The following SP110 variants were observed in gnomAD, a reference collection of about 807,000 sequenced individuals.
The protein encoded by SP110 is SP110 nuclear body protein, also known as interferon-induced protein 41, 30kD.
A neutral mutation model predicts 92.7 loss-of-function variants in SP110; 62 were observed. The ratio of observed to expected loss-of-function variants is 0.67; its 90% CI spans 0.55 to 0.83. SP110 has a LOEUF of 0.83. SP110 is among the 40% of genes least tolerant of loss of function. The pLI is 0.00. For missense variants in SP110, 793 were observed against 863.9 expected (o/e 0.92, Z 1.03); for synonymous variants, 273 against 305.3 (o/e 0.89, Z 1.10).
At chr2:230,169,932 G>C (rs971899573) in intron 18 of SP110, among the ~76,000 whole-genome samples, 1 of 152,128 alleles carries the variant, frequency 6.6e-6, no homozygotes, top group Non-Finnish European at 1.5e-5. Context: ...TCCATGAATG[G>C]GTACCAGTTT....
chr2:230,175,724 G>A (rs1249016446), intron 14 of SP110, among the ~76,000 whole-genome samples: 1 of 152,134 alleles, frequency 6.6e-6, no homozygotes, highest in African/African-American at 2.4e-5. Flanking sequence ...TGAGGAGGGG[G>A]AGTTAGTGCA....
intron 1 of SP110, among the ~76,000 whole-genome samples, chr2:230,219,030 G>T (rs1480059311): frequency 6.6e-6 from 1 of 152,154 alleles, no homozygotes; most frequent in Admixed American, 6.5e-5. Context: ...TTCGAGACCA[G>T]CCTGGCCAAC....
chr2:230,171,822 C>T (rs1574588969), intron 16 of SP110, 55 bp from the exon 17 acceptor site: 2 of 1,367,378 alleles, frequency 1.5e-6, no homozygotes, highest in East Asian at 4.6e-5. Flanking sequence ...ACAGTGAAGC[C>T]AGGCGAGTGT....
intron 4 of SP110, 59 bp downstream of exon 4, chr2:230,212,702 C>T (rs1245219917): frequency 6.2e-7 from 1 of 1,603,360 alleles, no homozygotes; most frequent in Non-Finnish European, 8.5e-7. Context: ...TTGGCGGCAA[C>T]ATGGCACAGG....
intron 10 of SP110, among the ~76,000 whole-genome samples, chr2:230,193,828 T>C (rs2042744933): frequency 1.3e-5 from 2 of 152,214 alleles, no homozygotes; most frequent in Non-Finnish European, 2.9e-5. Flanking sequence ...CACTGCTCAG[T>C]TGGGGCCATT....
intron 14 of SP110, chr2:230,174,056 A>T (rs1375631016): frequency 6.6e-6 from 1 of 152,128 alleles, no homozygotes; most frequent in Admixed American, 6.5e-5. Context: ...CATTTGACAC[A>T]CTCAGGACAT....
At chr2:230,174,625 C>T (rs2114585) in intron 14 of SP110, among the ~76,000 whole-genome samples, 17,026 of 152,308 alleles carry the variant, frequency 0.11, 1,026 homozygotes, top group Middle Eastern at 0.14. Flanking sequence ...CTGGCTGCAT[C>T]CAAGCCCTTC....
chr2:230,216,667 C>G (rs973565920), intron 2 of SP110, 114 bp downstream of exon 2: 66 of 1,270,886 alleles, frequency 5.2e-5, no homozygotes, highest in Non-Finnish European at 6.9e-5. Flanking sequence ...AATGAACATG[C>G]CTGGGCTGGG....
At position 230,168,534 on chromosome 2, in the gene SP110, AT is replaced by A. The variant is rs2078349245; in HGVS notation, c.*589del. ...CCTGCTGCCAACCTTAACATAAAAAATAATACTAAATTCCCCTGTGAAGCCT... is the reference window on the plus strand; with the variant it reads ...CCTGCTGCCAACCTTAACATAAAAAAAATACTAAATTCCCCTGTGAAGCCT... On this transcript the variant is annotated 3_prime_UTR_variant, in exon 19 of 19. Transcript: ENST00000258381. 6.6e-6 allele frequency: 1 copy of A among 152,584 alleles called. No homozygotes were observed. Among genetic ancestry groups the A allele is most frequent in the African/African-American group, 2.4e-5 (1 of 41,462 alleles). 9.5% of individuals were successfully genotyped at this position (152,584 alleles called of 1,614,324 possible).
chr2:230,171,838 C>T, intron 16 of SP110, 71 bp from the exon 17 acceptor site: 9 of 1,207,130 alleles, frequency 7.5e-6, no homozygotes, highest in Non-Finnish European at 9.9e-6. Context: ...AGTGTCTAGA[C>T]ATGCACACGG....
At position 230,166,330 on chromosome 2, in the gene SP110, G is replaced by A. The variant is rs1449592097; in HGVS notation, c.*2794C>T. ...GAAAGCAGATAATGTGGTTACCACT[G>A]TCTCTCCAGTGAACTCTGGGTCACA... On this transcript the variant is annotated 3_prime_UTR_variant, in exon 19 of 19. Coordinates refer to ENST00000258381, the MANE Select transcript of SP110 (RefSeq NM_080424.4). Among the ~76,000 whole-genome samples the A allele has an allele frequency of 1.3e-5, 2 of 152,190 alleles. No homozygotes were observed. The highest frequency in any genetic ancestry group is 2.4e-5 in the African/African-American group (1 of 41,450).
At chr2:230,204,129 G>T (rs2043492691) in intron 8 of SP110, among the ~76,000 whole-genome samples, 1 of 152,206 alleles carries the variant, frequency 6.6e-6, no homozygotes, top group Admixed American at 6.5e-5. Flanking sequence ...AATACAATAT[G>T]AAGAAAGGCA....
rs201791342 is a variant in SP110, at chr2:230,170,799, C to T, written c.1888-38G>A. On this transcript the variant is annotated intron_variant, in intron 17 of 18. Coordinates refer to ENST00000258381, the MANE Select transcript of SP110 (RefSeq NM_080424.4). Reference sequence around the variant, plus strand: ...GCCACCAGAGGTGACGTTAGCACAGCTGTCATCACTGGAATGGATCCAACT... The same window carrying T: ...GCCACCAGAGGTGACGTTAGCACAGTTGTCATCACTGGAATGGATCCAACT... The T allele has an allele frequency of 3.7e-6, 6 of 1,605,950 alleles. No homozygotes were observed. In the African/African-American group the frequency reaches 8.0e-5, roughly 21 times the overall value.
intron 10 of SP110, among the ~76,000 whole-genome samples, chr2:230,186,905 C>A (rs1414602141): frequency 2.6e-5 from 4 of 152,100 alleles, no homozygotes; most frequent in African/African-American, 9.7e-5. Flanking sequence ...ATTCATTGGT[C>A]AATGGGCACT....
intron 6 of SP110, among the ~76,000 whole-genome samples, chr2:230,210,933 G>A (rs1175989999): frequency 1.3e-5 from 2 of 152,210 alleles, no homozygotes; most frequent in Non-Finnish European, 2.9e-5. Flanking sequence ...CAGTCAGGTG[G>A]GGGCTTGGAA....
At chr2:230,200,218 T>A (rs987581468) in intron 10 of SP110, among the ~76,000 whole-genome samples, 19 of 152,202 alleles carry the variant, frequency 1.2e-4, no homozygotes, top group Non-Finnish European at 4.4e-5. Context: ...ATGTGAGAGT[T>A]CTGTGATTTT....
At chr2:230,222,221 T>G (rs568931597), upstream of SP110, among the ~76,000 whole-genome samples, 114 of 119,240 alleles carry the variant, frequency 9.6e-4, no homozygotes, top group African/African-American at 3.6e-3. Flanking sequence ...CAGAGTGAGA[T>G]CCCGCCTCAA....
intron 14 of SP110, among the ~76,000 whole-genome samples, chr2:230,174,963 A>G (rs959035548): frequency 6.6e-6 from 1 of 152,204 alleles, no homozygotes; most frequent in African/African-American, 2.4e-5. Flanking sequence ...CCTGGCTATT[A>G]TGAGCTGACA....
intron 10 of SP110, among the ~76,000 whole-genome samples, chr2:230,189,879 C>A (rs896388353): frequency 2.0e-5 from 3 of 152,164 alleles, no homozygotes; most frequent in African/African-American, 7.2e-5. Flanking sequence ...GATCTTATTA[C>A]TTTTTATGGC....
Sources: gnomAD v4.1 joint callset for allele counts (sites outside exome capture counted in the v4.1 genomes callset) on GRCh38, gnomAD v4.1.1 for gene constraint, MANE v1.5 for transcripts, NCBI Gene and HGNC (gene_info 2026-07-23, HGNC 2026-07-21) for gene names.